NUDT1: variants seen among roughly 807,000 people sequenced by gnomAD.
The protein encoded by NUDT1 is nudix hydrolase 1, also known as oxidized purine nucleoside triphosphate hydrolase.
Under a neutral mutation model 11.3 loss-of-function variants are expected in NUDT1, and 16 were observed. The observed-to-expected ratio is 1.41, with a 90% CI of 0.96 to 2.15. The LOEUF is 2.15. NUDT1 is among the 30% of genes most tolerant of loss of function. The pLI is 0.00. For synonymous variants in NUDT1, 101 were observed against 84.4 expected (o/e 1.20, Z -1.08); for missense variants, 234 against 208.4 (o/e 1.12, Z -0.76).
intron 2 of NUDT1, among the ~76,000 whole-genome samples, chr7:2,247,358 A>C (rs928461743): frequency 2.0e-5 from 3 of 152,238 alleles, no homozygotes; most frequent in Admixed American, 1.3e-4. Flanking sequence ...GCCTAACCCC[A>C]GTCCAGAGGG....
chr7:2,244,697 A>G lies in NUDT1; in HGVS notation c.123A>G (p.Glu41=), dbSNP rs755731403. Residue 41 remains glutamate, a synonymous_variant, in exon 2 of 4, where the codon GAA becomes GAG. Coordinates refer to ENST00000356714, the MANE Select transcript of NUDT1 (RefSeq NM_002452.4). ...RWNGFGGKVQ[E]GETIEDGARR... ...ATGGCTTTGGGGGCAAAGTGCAAGA[A>G]GGAGAGACCATCGAGGATGGGGCTA... 5 of 1,612,828 alleles carry G rather than the reference A, an allele frequency of 3.1e-6. No individual in the cohort carries two copies. The Admixed American group carries it at 8.4e-5, about 27-fold the overall frequency.
intron 2 of NUDT1, 91 bp downstream of exon 2, chr7:2,244,817 G>A: frequency 1.4e-6 from 2 of 1,474,460 alleles, no homozygotes; most frequent in Non-Finnish European, 1.8e-6. Flanking sequence ...TCACCACTAA[G>A]AGCTAAGTGA....
At chr7:2,244,774 AG>A in intron 2 of NUDT1, 48 bp downstream of exon 2, 1 of 1,577,040 alleles carries the variant, frequency 6.3e-7, no homozygotes, top group Non-Finnish European at 8.6e-7. Context: ...CCCAGGGCAC[AG>A]GGATTCGGGC....
intron 2 of NUDT1, chr7:2,249,567 G>C (rs1344318360): frequency 4.2e-6 from 2 of 478,574 alleles, no homozygotes; most frequent in South Asian, 2.0e-5. Flanking sequence ...CTGGTACACA[G>C]AGGGCACTGG....
At chr7:2,247,120 G>A (rs1012507051) in intron 2 of NUDT1, among the ~76,000 whole-genome samples, 1 of 152,186 alleles carries the variant, frequency 6.6e-6, no homozygotes, top group African/African-American at 2.4e-5. Context: ...TTCAGTACCT[G>A]CGAGTCTGAA....
At chr7:2,245,305 G>A (rs1452538547) in intron 2 of NUDT1, among the ~76,000 whole-genome samples, 3 of 152,142 alleles carry the variant, frequency 2.0e-5, no homozygotes, top group Non-Finnish European at 2.9e-5. Flanking sequence ...TGTAAACATC[G>A]CTGCACAGAC....
chr7:2,250,822 G>A lies in NUDT1; in HGVS notation c.299-7G>A. 6 of 1,614,082 alleles carry A rather than the reference G, an allele frequency of 3.7e-6. No individual in the cohort carries two copies. The highest frequency in any genetic ancestry group is 5.1e-6 in the Non-Finnish European group (6 of 1,179,946). On this transcript the variant is annotated splice_polypyrimidine_tract_variant and splice_region_variant and intron_variant, in intron 3 of 3. Transcript: ENST00000356714. ...CCTCAGTGCCTCCTCTTCCCCCATT[G>A]GTACAGAAATGCGCCCATGCTGGTT...
chr7:2,247,269 C>A (rs1794804756), intron 2 of NUDT1, among the ~76,000 whole-genome samples: 1 of 152,160 alleles, frequency 6.6e-6, no homozygotes. Flanking sequence ...TCAGGAGGAC[C>A]CCAAGATGGG....
chr7:2,242,283 A>C, intron 1 of NUDT1, 27 bp downstream of exon 1: 2 of 1,094,774 alleles, frequency 1.8e-6, no homozygotes, highest in Non-Finnish European at 2.5e-6. Flanking sequence ...CGGGGATTCC[A>C]GGAGTCGTGG....
intron 2 of NUDT1, chr7:2,249,235 G>T: frequency 6.4e-6 from 1 of 155,644 alleles, no homozygotes; most frequent in Non-Finnish European, 1.4e-5. Context: ...TGGTCAGCCT[G>T]GGGACCAGAG....
At chr7:2,249,385 G>A (rs1306223928) in intron 2 of NUDT1, 4 of 224,604 alleles carry the variant, frequency 1.8e-5, no homozygotes, top group Non-Finnish European at 3.6e-5. Context: ...GGTTCCCAGA[G>A]CAAGCGTCCC....
intron 1 of NUDT1, among the ~76,000 whole-genome samples, chr7:2,243,653 G>A (rs1794647583): frequency 6.6e-6 from 1 of 152,218 alleles, no homozygotes; most frequent in South Asian, 2.1e-4. Flanking sequence ...CATGCCTGTG[G>A]TCCCAGCTAT....
chr7:2,242,926 T>G (rs1402412743), intron 1 of NUDT1: 3 of 711,144 alleles, frequency 4.2e-6, no homozygotes, highest in Non-Finnish European at 5.2e-6. Flanking sequence ...TATCCCTAGG[T>G]TTCTTGCCTT....
chr7:2,244,742 G>A lies in NUDT1; in HGVS notation c.152+16G>A. On this transcript the variant is annotated intron_variant, in intron 2 of 3. Transcript: ENST00000356714. ...GGGCTAGGAGGTAAGGATGGGGCAG[G>A]TCTGGCCATAGAACCGGCTTTCCCA... 1 of 1,600,942 alleles carries A rather than the reference G, an allele frequency of 6.2e-7. No homozygotes were observed. The highest frequency in any genetic ancestry group is 1.1e-5 in the South Asian group (1 of 88,916).
chr7:2,242,598 A>G (rs1794591856), intron 1 of NUDT1: 1 of 331,230 alleles, frequency 3.0e-6, no homozygotes, highest in South Asian at 5.3e-5. Context: ...AAACCCATTT[A>G]CCCTGTCTGA....
At position 2,249,948 on chromosome 7, in the gene NUDT1, G is replaced by A; in HGVS notation, c.244G>A (p.Asp82Asn). The A allele has an allele frequency of 2.5e-6, 4 of 1,614,236 alleles. No homozygotes were observed. In the South Asian group the frequency reaches 4.4e-5, roughly 18 times the overall value. ...GTTCGTGGGCGAGCCTGAGCTCATG[G>A]ACGTGCATGTCTTCTGCACAGACAG... is the stretch of plus-strand genomic sequence containing the variant. ...FEFVGEPELM[D>N]VHVFCTDSIQ... The change falls in exon 3 of 4, where the codon GAC (aspartate) becomes AAC (asparagine). Residue 82 changes from aspartate (D) to asparagine (N), a missense_variant. By Grantham distance (23) the Asp-to-Asn change is conservative (BLOSUM62 1). Transcript: ENST00000356714.
At chr7:2,247,291 A>G (rs867940358) in intron 2 of NUDT1, among the ~76,000 whole-genome samples, 10 of 152,286 alleles carry the variant, frequency 6.6e-5, no homozygotes, top group Middle Eastern at 6.8e-3. Flanking sequence ...CCTAACTCCC[A>G]GGCCAAGAGC....
intron 3 of NUDT1, among the ~76,000 whole-genome samples, 184 bp downstream of exon 3, chr7:2,250,186 T>G (rs933515592): frequency 5.3e-5 from 8 of 152,224 alleles, no homozygotes; most frequent in African/African-American, 1.9e-4. Context: ...TCCAGTAGCG[T>G]ACCTGCCCCT....
chr7:2,246,844 T>G (rs1445693443), intron 2 of NUDT1, among the ~76,000 whole-genome samples: 4 of 152,130 alleles, frequency 2.6e-5, no homozygotes, highest in Non-Finnish European at 5.9e-5. Context: ...CTTGAACACC[T>G]GACCTCACGG....
Sources: gnomAD v4.1 joint callset for allele counts (sites outside exome capture counted in the v4.1 genomes callset) on GRCh38, gnomAD v4.1.1 for gene constraint, MANE v1.5 for transcripts, NCBI Gene and HGNC (gene_info 2026-07-23, HGNC 2026-07-21) for gene names.